The following ARHGAP20 variants were observed in gnomAD, a reference collection of about 807,000 sequenced individuals.
ARHGAP20 encodes Rho GTPase activating protein 20.
A neutral mutation model predicts 73.7 loss-of-function variants in ARHGAP20; 34 were observed. The ratio of observed to expected loss-of-function variants is 0.46; its 90% CI spans 0.35 to 0.61. The LOEUF (loss-of-function observed/expected upper bound fraction) is 0.61, where lower values mean the gene tolerates loss of function less well. Among genes scored for constraint, ARHGAP20 ranks in the 20% least tolerant of loss-of-function variants. ARHGAP20 has a pLI of 0.00. For synonymous variants in ARHGAP20, 523 were observed against 518.2 expected (o/e 1.01, Z -0.13); for missense variants, 1,314 against 1,420.9 (o/e 0.92, Z 1.21).
chr11:110,674,870 G>C (rs1949900710), intron 2 of ARHGAP20, among the ~76,000 whole-genome samples: 1 of 152,100 alleles, frequency 6.6e-6, no homozygotes, highest in African/African-American at 2.4e-5. Flanking sequence ...TTCATTCTTA[G>C]CTCCTCTCAC....
intron 3 of ARHGAP20, among the ~76,000 whole-genome samples, chr11:110,629,358 C>A (rs565092716): frequency 6.6e-6 from 1 of 152,102 alleles, no homozygotes; most frequent in Admixed American, 6.5e-5. Flanking sequence ...GATAATTAAA[C>A]GAAATCTTTG....
chr11:110,682,774 C>T (rs1462680214), intron 2 of ARHGAP20, among the ~76,000 whole-genome samples: 1 of 152,042 alleles, frequency 6.6e-6, no homozygotes, highest in African/African-American at 2.4e-5. Flanking sequence ...AGTTAATATT[C>T]TAAGCATTTT....
rs758481148 is a variant in ARHGAP20, at chr11:110,580,841, C to T, written c.2105G>A (p.Arg702His). ...NAAKSLRRHR[R>H]CSEPSIDYLD... ...ATAGTCGATGCTGGGCTCTGAGCAACGCCGGTGTCGCCTCAGGCTTTTTGC... is the reference window on the plus strand; with the variant it reads ...ATAGTCGATGCTGGGCTCTGAGCAATGCCGGTGTCGCCTCAGGCTTTTTGC... Residue 702 changes from arginine (R) to histidine (H), a missense_variant, in exon 15 of 15, where the codon CGT (arginine) becomes CAT (histidine). Transcript: ENST00000683387. 1.7e-5 allele frequency: 28 copies of T among 1,613,442 alleles called. No homozygotes were observed. Among genetic ancestry groups the T allele is most frequent in the South Asian group, 1.3e-4 (12 of 91,058 alleles).
At chr11:110,665,770 T>C (rs1949711671) in intron 2 of ARHGAP20, among the ~76,000 whole-genome samples, 1 of 152,000 alleles carries the variant, frequency 6.6e-6, no homozygotes, top group African/African-American at 2.4e-5. Flanking sequence ...GCTGGGAAAA[T>C]AGCCACTAGG....
In ARHGAP20 at chr11:110,615,417, C is replaced by T. The variant is rs536224980; in HGVS notation, c.545+136G>A. ...GTAAGTAGCTAGTGTACGATATAAA[C>T]GGCAGCTTATTTAGAGGTCAAATGA... On this transcript the variant is annotated intron_variant, in intron 5 of 14. Transcript: ENST00000683387. 114 of 683,298 alleles carry T rather than the reference C, an allele frequency of 1.7e-4. 1 individual carries two copies. In the South Asian group the frequency reaches 2.2e-3, roughly 13 times the overall value. The allele number at this position is 683,298 out of a possible 1,614,324, so 42.3% of individuals were successfully genotyped here.
At chr11:110,678,114 C>A (rs1949968765) in intron 2 of ARHGAP20, among the ~76,000 whole-genome samples, 1 of 152,086 alleles carries the variant, frequency 6.6e-6, no homozygotes. Context: ...GCCACCAAGA[C>A]CAAACAGCAC....
intron 2 of ARHGAP20, among the ~76,000 whole-genome samples, chr11:110,660,064 A>AC (rs753362690): frequency 0.18 from 23,824 of 128,794 alleles, 2,019 homozygotes; most frequent in South Asian, 0.3. Context: ...TAAAAAACAA[A>AC]AAAAAAAAAA....
intron 1 of ARHGAP20, among the ~76,000 whole-genome samples, chr11:110,691,834 A>T (rs1950247964): frequency 6.6e-6 from 1 of 152,194 alleles, no homozygotes; most frequent in South Asian, 2.1e-4. Flanking sequence ...TCCTTAGCAC[A>T]GCTGAGACAA....
chr11:110,580,893 A>G lies in ARHGAP20; in HGVS notation c.2053T>C (p.Tyr685His), dbSNP rs1360567211. 6.2e-7 allele frequency: 1 copy of G among 1,613,012 alleles called. No homozygotes were observed. Among genetic ancestry groups the G allele is most frequent in the East Asian group, 2.2e-5 (1 of 44,840 alleles). The change falls in exon 15 of 15, where the codon TAC becomes CAC. Residue 685 changes from tyrosine (Y) to histidine (H), a missense_variant. Physicochemically the swap from Tyr to His is moderately conservative, Grantham distance 83. Around this residue, in one of 3 missense-constraint regions of ARHGAP20, gnomAD observed 641 missense variants for 636.9 expected, o/e 1.01. Transcript: ENST00000683387. ...GCATTTGCTGCAGCTGTGGACAGGT[A>G]GCTGGGTGTGCACATGGCAGATGGG... ...RAPSAMCTPS[Y>H]LSTAAANAAK...
chr11:110,589,954 C>T (rs1947779617), intron 11 of ARHGAP20, among the ~76,000 whole-genome samples: 1 of 152,088 alleles, frequency 6.6e-6, no homozygotes, highest in Admixed American at 6.5e-5. Flanking sequence ...AACCCCATCT[C>T]TACTAAAAAT....
At chr11:110,686,833 T>C (rs1207242743) in intron 2 of ARHGAP20, among the ~76,000 whole-genome samples, 4 of 152,064 alleles carry the variant, frequency 2.6e-5, no homozygotes, top group Non-Finnish European at 4.4e-5. Flanking sequence ...GAGGACCCTT[T>C]CAGGTTCTTT....
At chr11:110,676,670 T>C (rs1315520024) in intron 2 of ARHGAP20, among the ~76,000 whole-genome samples, 1 of 152,190 alleles carries the variant, frequency 6.6e-6, no homozygotes, top group Non-Finnish European at 1.5e-5. Context: ...TCTCTGAATA[T>C]AAACCAAAAT....
intron 1 of ARHGAP20, among the ~76,000 whole-genome samples, chr11:110,693,567 C>T (rs1320484679): frequency 1.3e-5 from 2 of 151,892 alleles, no homozygotes; most frequent in East Asian, 3.9e-4. Flanking sequence ...TAACCAGGGG[C>T]TTAATAGATT....
At chr11:110,702,293 T>G (rs1187559687) in intron 1 of ARHGAP20, among the ~76,000 whole-genome samples, 1 of 152,162 alleles carries the variant, frequency 6.6e-6, no homozygotes, top group East Asian at 1.9e-4. Flanking sequence ...ACCACATGAT[T>G]ATCTCAATAG....
intron 2 of ARHGAP20, among the ~76,000 whole-genome samples, chr11:110,682,347 T>C (rs1271373377): frequency 6.6e-6 from 1 of 152,186 alleles, no homozygotes; most frequent in African/African-American, 2.4e-5. Flanking sequence ...ACTCATTTAG[T>C]TCTCCTTAAA....
intron 12 of ARHGAP20, among the ~76,000 whole-genome samples, chr11:110,585,077 AT>A (rs1411709801): frequency 6.6e-6 from 1 of 150,434 alleles, no homozygotes; most frequent in Non-Finnish European, 1.5e-5. Flanking sequence ...ACATATATGA[AT>A]ACATGAATAT....
Position 110,624,164 on chromosome 11 carries a change from G to T in ARHGAP20, c.501C>A (p.Phe167Leu), listed in dbSNP as rs770595466. Residue 167 changes from phenylalanine to leucine, a missense_variant and splice_region_variant, in exon 4 of 15, where the codon TTC becomes TTA. By Grantham distance (22) the Phe-to-Leu change is conservative. Transcript: ENST00000683387. ...GWPTVNFVAT[F>L]SSPEQKDKWL... ...AGAGGACAAGCTGTGGTTCTTACCT[G>T]AAAGTGGCCACAAAGTTCACTGTGG... 1.9e-6 allele frequency: 3 copies of T among 1,610,054 alleles called. No individual in the cohort carries two copies. The highest frequency in any genetic ancestry group is 2.5e-6 in the Non-Finnish European group (3 of 1,179,068).
intron 2 of ARHGAP20, among the ~76,000 whole-genome samples, chr11:110,679,811 G>C (rs150934618): frequency 5.5e-4 from 84 of 152,286 alleles, no homozygotes; most frequent in African/African-American, 1.9e-3. Context: ...TCAGAACTAT[G>C]TATCAGAAAA....
intron 2 of ARHGAP20, among the ~76,000 whole-genome samples, chr11:110,656,146 G>C (rs547712545): frequency 1.3e-5 from 2 of 152,160 alleles, no homozygotes; most frequent in South Asian, 4.2e-4. Context: ...TAAACACTAG[G>C]ACTATGTGGA....
Sources: allele counts gnomAD v4.1 joint callset (sites outside exome capture counted in the v4.1 genomes callset), GRCh38; gene constraint gnomAD v4.1.1; regional missense constraint gnomAD v4.1.1; transcripts MANE v1.5; gene names NCBI Gene and HGNC (gene_info 2026-07-23, HGNC 2026-07-21).